The following GCSAML variants were observed in gnomAD, a reference collection of about 807,000 sequenced individuals.
GCSAML encodes the protein germinal center associated signaling and motility like.
GCSAML carries 9 observed loss-of-function variants against 13.0 expected under a neutral mutation model. The ratio of observed to expected loss-of-function variants is 0.69; its 90% CI spans 0.42 to 1.21. The LOEUF (loss-of-function observed/expected upper bound fraction) is 1.21, where lower values mean the gene tolerates loss of function less well. Among genes scored for constraint, GCSAML ranks in the 50% most tolerant of loss-of-function variants. The pLI is 0.00. For synonymous variants in GCSAML, 37 were observed against 52.9 expected (o/e 0.70, Z 1.31); for missense variants, 143 against 153.4 (o/e 0.93, Z 0.36).
Position 247,510,792 on chromosome 1 carries a change from T to A in GCSAML, c.-263+3559T>A, listed in dbSNP as rs149160861. ...TCAGGAGCAGGTTGTTCAGTTTTCA[T>A]GCAGTTTTGTGGCTTTGAGTGAGTT... On this transcript the variant is annotated intron_variant, in intron 1 of 5. Coordinates refer to the GCSAML transcript ENST00000366489. 3.0e-3 allele frequency among the ~76,000 whole-genome samples: 460 copies of A among 152,370 alleles called. 3 individuals are homozygous for A. The highest frequency in any genetic ancestry group is 0.011 in the African/African-American group (444 of 41,588).
intron 2 of GCSAML, among the ~76,000 whole-genome samples, chr1:247,559,742 G>A (rs767855214): frequency 2.0e-5 from 3 of 152,102 alleles, no homozygotes; most frequent in Non-Finnish European, 4.4e-5. Flanking sequence ...TGGCAGAGGT[G>A]GGCTGTTTTG....
At chr1:247,537,772 G>A (rs899351427) in intron 2 of GCSAML, among the ~76,000 whole-genome samples, 5 of 151,814 alleles carry the variant, frequency 3.3e-5, no homozygotes, top group Non-Finnish European at 5.9e-5. Flanking sequence ...ATTTTTTAAT[G>A]TGCTTGTTGG....
At chr1:247,511,873 T>A (rs1247378288) in intron 1 of GCSAML, among the ~76,000 whole-genome samples, 2 of 152,160 alleles carry the variant, frequency 1.3e-5, no homozygotes, top group East Asian at 3.8e-4. Context: ...TGCAGAGAGG[T>A]CCGCTGTTAG....
intron 1 of GCSAML, among the ~76,000 whole-genome samples, chr1:247,522,485 TG>T (rs1666487418): frequency 3.1e-5 from 1 of 31,934 alleles, no homozygotes. Flanking sequence ...GGGGGAAATG[TG>T]GGGAAAAGAT....
chr1:247,518,730 TG>T (rs1421788987), intron 1 of GCSAML: 2 of 153,304 alleles, frequency 1.3e-5, no homozygotes, highest in African/African-American at 4.8e-5. Context: ...GGCGCTCGCC[TG>T]CAGTCCCAGC....
At chr1:247,565,468 AG>A (rs1191037299) in intron 3 of GCSAML, among the ~76,000 whole-genome samples, 2 of 152,162 alleles carry the variant, frequency 1.3e-5, no homozygotes, top group African/African-American at 4.8e-5. Context: ...AACTTGAAAT[AG>A]TTACTCGTGT....
chr1:247,524,799 TATATG>T (rs1322761266), intron 1 of GCSAML: 6 of 152,126 alleles, frequency 3.9e-5, no homozygotes, highest in Non-Finnish European at 7.4e-5. Context: ...ATTCAACACT[TATATG>T]ATGACAAAGA....
At chr1:247,538,664 A>G in intron 2 of GCSAML, 1 of 441,618 alleles carries the variant, frequency 2.3e-6, no homozygotes, top group Non-Finnish European at 4.5e-6. Context: ...CTTTCTTTCC[A>G]CACATGCACA....
At chr1:247,568,826 A>G (rs1262015036) in intron 4 of GCSAML, among the ~76,000 whole-genome samples, 1 of 152,018 alleles carries the variant, frequency 6.6e-6, no homozygotes, top group African/African-American at 2.4e-5. Flanking sequence ...GTGTTTTTCC[A>G]TTTGTTTGTG....
chr1:247,560,571 T>C (rs1011178737), intron 2 of GCSAML, among the ~76,000 whole-genome samples: 8 of 152,212 alleles, frequency 5.3e-5, no homozygotes, highest in African/African-American at 9.7e-5. Flanking sequence ...TATTTTCTTT[T>C]ATACATATGT....
At chr1:247,561,542 T>G (rs1403642245) in intron 2 of GCSAML, among the ~76,000 whole-genome samples, 5 of 152,204 alleles carry the variant, frequency 3.3e-5, no homozygotes, top group Admixed American at 6.5e-5. Flanking sequence ...CTTCTCTTGA[T>G]TCTTTCCTCT....
At chr1:247,570,140 T>A (rs1210695914) in intron 4 of GCSAML, among the ~76,000 whole-genome samples, 1 of 152,182 alleles carries the variant, frequency 6.6e-6, no homozygotes, top group African/African-American at 2.4e-5. Context: ...GTTTTGTTAA[T>A]CTTTTCAAAA....
At chr1:247,548,400 C>T (rs754194498), upstream of GCSAML, among the ~76,000 whole-genome samples, 3 of 152,228 alleles carry the variant, frequency 2.0e-5, no homozygotes, top group Admixed American at 6.5e-5. The surrounding 1 kb of genome is among the most constrained non-coding windows in gnomAD (Gnocchi z 5.3). Flanking sequence ...CCTGCATTTT[C>T]CCCATTGTCA....
At chr1:247,558,554 G>GGCA (rs1668027383) in intron 2 of GCSAML, among the ~76,000 whole-genome samples, 1 of 152,066 alleles carries the variant, frequency 6.6e-6, no homozygotes, top group Non-Finnish European at 1.5e-5. Flanking sequence ...GGCAACCACT[G>GGCA]ATCTGATTTC....
chr1:247,528,445 A>T (rs922405038), intron 2 of GCSAML: 1 of 152,204 alleles, frequency 6.6e-6, no homozygotes, highest in African/African-American at 2.4e-5. Context: ...GTGTTAAGTG[A>T]AATAAGCCAA....
At chr1:247,509,276 T>C (rs1342884455) in intron 1 of GCSAML, among the ~76,000 whole-genome samples, 1 of 152,234 alleles carries the variant, frequency 6.6e-6, no homozygotes, top group African/African-American at 2.4e-5. Flanking sequence ...CAATTGTGAA[T>C]GGGAGTTCAC....
chr1:247,540,662 T>C (rs903153555), intron 2 of GCSAML, among the ~76,000 whole-genome samples: 2 of 152,062 alleles, frequency 1.3e-5, no homozygotes, highest in African/African-American at 4.8e-5. Context: ...GAACTGAAGG[T>C]GGGGGCAGTG....
chr1:247,565,904 CTTTT>C (rs367904043), intron 3 of GCSAML, 23 bp from the exon 4 acceptor site: 257 of 1,366,742 alleles, frequency 1.9e-4, no homozygotes, highest in Admixed American at 3.2e-4. Context: ...TCCTTTCTTT[CTTTT>C]TTTTTTTTTT....
chr1:247,540,606 G>C (rs1474196656), intron 2 of GCSAML, among the ~76,000 whole-genome samples: 1 of 152,208 alleles, frequency 6.6e-6, no homozygotes, highest in Non-Finnish European at 1.5e-5. Flanking sequence ...GCATGGGCAC[G>C]AAGATGCAGC....
Sources: allele counts gnomAD v4.1 joint callset (sites outside exome capture counted in the v4.1 genomes callset), GRCh38; gene constraint gnomAD v4.1.1; non-coding constraint Gnocchi (gnomAD v3.1); transcripts MANE v1.5; gene names NCBI Gene and HGNC (gene_info 2026-07-23, HGNC 2026-07-21).